Variants in EIF4E3 observed in about 807,000 individuals in gnomAD.
The protein encoded by EIF4E3 is eukaryotic translation initiation factor 4E family member 3, also known as eukaryotic translation initiation factor 4E type 3.
EIF4E3 carries 26 observed loss-of-function variants against 31.7 expected under a neutral mutation model. The observed-to-expected ratio is 0.82, with a 90% CI of 0.60 to 1.14. The LOEUF (loss-of-function observed/expected upper bound fraction) is 1.14, where lower values mean the gene tolerates loss of function less well. Among genes scored for constraint, EIF4E3 ranks in the 50% most tolerant of loss-of-function variants. The pLI, the probability that EIF4E3 is intolerant of heterozygous loss-of-function variation, is 0.00. For synonymous variants in EIF4E3, 128 were observed against 107.7 expected (o/e 1.19, Z -1.17); for missense variants, 304 against 270.9 (o/e 1.12, Z -0.86).
chr3:71,723,168 C>G (rs974234604), intron 1 of EIF4E3, among the ~76,000 whole-genome samples: 1 of 152,118 alleles, frequency 6.6e-6, no homozygotes, highest in African/African-American at 2.4e-5. Context: ...GAGAACCTCA[C>G]CAGTCTCTAG....
At chr3:71,666,712 G>A in the EIF4E3 span, among the ~76,000 whole-genome samples, 239 of 152,228 alleles carry the variant, frequency 1.6e-3, 1 homozygote, top group East Asian at 8.9e-3. Flanking sequence ...TGAGGTGGGC[G>A]GATTGCCTGA....
the EIF4E3 span, among the ~76,000 whole-genome samples, chr3:71,661,314 G>A: frequency 6.6e-6 from 1 of 152,100 alleles, no homozygotes; most frequent in African/African-American, 2.4e-5. Context: ...GTGAAATAAA[G>A]ATGACCCTGA....
intron 2 of EIF4E3, among the ~76,000 whole-genome samples, chr3:71,704,853 C>T (rs1248318548): frequency 3.3e-5 from 5 of 152,208 alleles, no homozygotes; most frequent in African/African-American, 1.2e-4. Flanking sequence ...CCACCCAATA[C>T]ACAGACACAA....
chr3:71,684,428 G>A lies in EIF4E3; in HGVS notation c.*254C>T, dbSNP rs1225722129. On this transcript the variant is annotated 3_prime_UTR_variant, in exon 7 of 7. Coordinates refer to ENST00000425534, the MANE Select transcript of EIF4E3 (RefSeq NM_001134651.2). ...AAAAAATCAGAGTGAAAAGAACAGA[G>A]AATTTAGAAAGCCAAAAAAAAAGTT... 1.8e-5 allele frequency: 6 copies of A among 341,744 alleles called. No individual in the cohort carries two copies. The highest frequency in any genetic ancestry group is 8.6e-5 in the African/African-American group (4 of 46,520). The allele number at this position is 341,744 out of a possible 1,614,324, so 21.2% of individuals were successfully genotyped here.
At chr3:71,749,402 AATCCAAC>A (rs1188729065) in intron 1 of EIF4E3, among the ~76,000 whole-genome samples, 2 of 152,228 alleles carry the variant, frequency 1.3e-5, no homozygotes. Context: ...GCCCTTTGAT[AATCCAAC>A]ATCCACTGGG....
chr3:71,726,613 G>A (rs529722564), upstream of EIF4E3, among the ~76,000 whole-genome samples: 1 of 152,264 alleles, frequency 6.6e-6, no homozygotes, highest in South Asian at 2.1e-4. Flanking sequence ...TTGAGCATTC[G>A]CTGGGATGGA....
chr3:71,684,868 T>TA, intron 6 of EIF4E3, 140 bp from the exon 7 acceptor site: 1 of 784,274 alleles, frequency 1.3e-6, no homozygotes. Context: ...TTTATTTATT[T>TA]TTTTGCCAGT....
chr3:71,734,042 A>T (rs1342539470), intron 1 of EIF4E3, among the ~76,000 whole-genome samples: 1 of 152,238 alleles, frequency 6.6e-6, no homozygotes, highest in Admixed American at 6.5e-5. Flanking sequence ...TACTCACAAT[A>T]CAGAAAGATC....
chr3:71,690,155 T>C lies in EIF4E3; in HGVS notation c.483A>G (p.Val161=). 1.2e-6 allele frequency: 2 copies of C among 1,608,704 alleles called. No homozygotes were observed. The highest frequency in any genetic ancestry group is 1.7e-6 in the Non-Finnish European group (2 of 1,177,824). The change falls in exon 6 of 7, where the codon GTA becomes GTG. Residue 161 remains valine, a synonymous_variant. Transcript: ENST00000425534. Reference sequence around the variant, plus strand: ...CCCGAACACTGACACTAACTCCTATTACTTCATCATCTGAGGGGAAGACAG... The same window carrying C: ...CCCGAACACTGACACTAACTCCTATCACTTCATCATCTGAGGGGAAGACAG... ...FTDCAAADDE[V]IGVSVSVRDR...
At chr3:71,673,923 AT>A (rs1295112976), downstream of EIF4E3, among the ~76,000 whole-genome samples, 1,718 of 143,036 alleles carry the variant, frequency 0.012, 35 homozygotes, top group Admixed American at 0.059. Context: ...ATATATATAT[AT>A]ATATATAAAA....
intron 1 of EIF4E3, among the ~76,000 whole-genome samples, chr3:71,745,817 G>A (rs2049866312): frequency 6.6e-6 from 1 of 152,068 alleles, no homozygotes; most frequent in African/African-American, 2.4e-5. Flanking sequence ...CAAAAGAAAG[G>A]GGCCACATTT....
intron 1 of EIF4E3, among the ~76,000 whole-genome samples, chr3:71,751,804 C>A (rs964667495): frequency 3.3e-5 from 5 of 152,072 alleles, no homozygotes; most frequent in African/African-American, 1.2e-4. Flanking sequence ...GCTGGGGCGT[C>A]GGCAGCCTAC....
At chr3:71,717,059 C>G (rs1259595858) in intron 1 of EIF4E3, among the ~76,000 whole-genome samples, 1 of 152,206 alleles carries the variant, frequency 6.6e-6, no homozygotes, top group Non-Finnish European at 1.5e-5. Flanking sequence ...GACCACAGCA[C>G]CACTTACAAT....
At chr3:71,708,199 A>G (rs927060576) in intron 2 of EIF4E3, among the ~76,000 whole-genome samples, 1 of 152,122 alleles carries the variant, frequency 6.6e-6, no homozygotes, top group Non-Finnish European at 1.5e-5. Flanking sequence ...ATCCTTCAAT[A>G]TTCATTGAGT....
At chr3:71,673,307 G>C (rs543707958), downstream of EIF4E3, among the ~76,000 whole-genome samples, 64 of 152,122 alleles carry the variant, frequency 4.2e-4, no homozygotes, top group African/African-American at 1.3e-3. Flanking sequence ...TCACATGCTG[G>C]TGCACAGGCC....
In EIF4E3 at chr3:71,677,329, AT is replaced by A. The variant is rs1023280352; in HGVS notation, c.*7352del. On this transcript the variant is annotated 3_prime_UTR_variant, in exon 7 of 7. Coordinates refer to ENST00000425534, the MANE Select transcript of EIF4E3 (RefSeq NM_001134651.2). ...ACCATCGTCTTGTAGGATTCCAGAG[AT>A]TTTTTTATGCATTCATTAACGAAAA... is the stretch of plus-strand genomic sequence containing the variant. 1.3e-5 allele frequency: 2 copies of A among 152,110 alleles called. No individual in the cohort carries two copies. The highest frequency in any genetic ancestry group is 2.9e-5 in the Non-Finnish European group (2 of 68,006). 9.4% of individuals were successfully genotyped at this position (152,110 alleles called of 1,614,324 possible).
intron 1 of EIF4E3, among the ~76,000 whole-genome samples, chr3:71,717,118 G>A (rs1041070028): frequency 6.6e-6 from 1 of 152,128 alleles, no homozygotes; most frequent in Non-Finnish European, 1.5e-5. Flanking sequence ...AAGCTGAAAC[G>A]GTTTCTTCGA....
intron 1 of EIF4E3, among the ~76,000 whole-genome samples, chr3:71,736,278 T>C (rs1403311737): frequency 2.0e-5 from 3 of 152,234 alleles, no homozygotes; most frequent in African/African-American, 7.2e-5. Context: ...TCTTACCATA[T>C]GATCCAGCAA....
chr3:71,754,315 C>A (rs2049977012), upstream of EIF4E3: 1 of 1,164,086 alleles, frequency 8.6e-7, no homozygotes. The surrounding 1 kb of genome is among the most constrained non-coding windows in gnomAD (Gnocchi z 5.8). Flanking sequence ...GCGGGGGCGC[C>A]GCCGGGCGCG....
Sources: gnomAD v4.1 joint callset for allele counts (sites outside exome capture counted in the v4.1 genomes callset) on GRCh38, gnomAD v4.1.1 for gene constraint, Gnocchi (gnomAD v3.1) non-coding constraint, MANE v1.5 for transcripts, NCBI Gene and HGNC (gene_info 2026-07-23, HGNC 2026-07-21) for gene names.